The following CLEC16A variants were observed in gnomAD, a reference collection of about 807,000 sequenced individuals.
The protein encoded by CLEC16A is protein CLEC16A.
CLEC16A carries 51 observed loss-of-function variants against 109.5 expected under a neutral mutation model. The observed-to-expected ratio is 0.47, with a 90% confidence interval of 0.37 to 0.59. The LOEUF (loss-of-function observed/expected upper bound fraction) is 0.59, where lower values mean the gene tolerates loss of function less well. Ranked by LOEUF, CLEC16A falls within the 20% of genes least tolerant of loss-of-function variation. CLEC16A has a pLI of 0.00. For missense variants in CLEC16A, 1,339 were observed against 1,394.0 expected, an observed-to-expected ratio of 0.96 and a Z score of 0.63; for synonymous variants, 673 against 564.2, an observed-to-expected ratio of 1.19 and a Z score of -2.73.
chr16:11,046,461 C>G (rs1257101167), intron 16 of CLEC16A, among the ~76,000 whole-genome samples: 2 of 152,052 alleles, frequency 1.3e-5, no homozygotes. Context: ...CTTTCCCACC[C>G]CAAGTGTGGG....
At chr16:10,965,962 G>C (rs1410440016) in intron 3 of CLEC16A, among the ~76,000 whole-genome samples, 1 of 152,132 alleles carries the variant, frequency 6.6e-6, no homozygotes, top group Non-Finnish European at 1.5e-5. Flanking sequence ...TGTGCTGCTG[G>C]TGGTCTGGAA....
chr16:11,012,195 C>T (rs2045462715), intron 11 of CLEC16A, among the ~76,000 whole-genome samples: 1 of 152,172 alleles, frequency 6.6e-6, no homozygotes, highest in African/African-American at 2.4e-5. Context: ...GAGTTAAGTT[C>T]ATGTGGCATA....
At chr16:11,125,401 C>G (rs891063730) in intron 21 of CLEC16A, among the ~76,000 whole-genome samples, 1 of 151,732 alleles carries the variant, frequency 6.6e-6, no homozygotes, top group African/African-American at 2.4e-5. Flanking sequence ...GCTGTTAGAA[C>G]TAAAGCCTTG....
intron 2 of CLEC16A, among the ~76,000 whole-genome samples, chr16:10,959,679 A>G (rs937871871): frequency 1.3e-5 from 2 of 151,760 alleles, no homozygotes; most frequent in Non-Finnish European, 2.9e-5. Context: ...GGCATGAGCC[A>G]CCGTGCCCAG....
intron 16 of CLEC16A, among the ~76,000 whole-genome samples, chr16:11,045,603 A>G (rs942479281): frequency 6.6e-6 from 1 of 152,140 alleles, no homozygotes; most frequent in Non-Finnish European, 1.5e-5. Context: ...TGTGTCTTTC[A>G]GGGAAGGCTC....
At chr16:11,075,410 G>C (rs571900137) in intron 19 of CLEC16A, among the ~76,000 whole-genome samples, 334 of 99,568 alleles carry the variant, frequency 3.4e-3, no homozygotes, top group African/African-American at 0.011. Flanking sequence ...GTGTGTGTGT[G>C]TCTGTGTGTG....
At chr16:10,945,951 G>T (rs116950961) in intron 1 of CLEC16A, among the ~76,000 whole-genome samples, 322 of 152,240 alleles carry the variant, frequency 2.1e-3, no homozygotes, top group Non-Finnish European at 3.6e-3. Flanking sequence ...CAGCATCTAG[G>T]ACTGCTCTCT....
intron 22 of CLEC16A, among the ~76,000 whole-genome samples, chr16:11,158,152 C>T (rs1177091488): frequency 6.6e-6 from 1 of 152,196 alleles, no homozygotes; most frequent in Non-Finnish European, 1.5e-5. Flanking sequence ...TTGCTGTCTT[C>T]AGTTTGTGTG....
intron 18 of CLEC16A, among the ~76,000 whole-genome samples, chr16:11,053,043 A>G (rs564641935): frequency 1.3e-5 from 2 of 151,890 alleles, no homozygotes; most frequent in Non-Finnish European, 1.5e-5. Context: ...GGCACAAGCT[A>G]CCACACCTAG....
chr16:11,030,132 G>A (rs1381823485), intron 13 of CLEC16A, among the ~76,000 whole-genome samples: 2 of 152,164 alleles, frequency 1.3e-5, no homozygotes, highest in Non-Finnish European at 2.9e-5. Context: ...TCTGTTAATG[G>A]AAATTTGGGT....
At chr16:11,125,832 G>T in intron 21 of CLEC16A, 147 bp from the exon 22 acceptor site, 2 of 768,350 alleles carry the variant, frequency 2.6e-6, no homozygotes, top group South Asian at 3.4e-5. Context: ...GGTCTCTGCA[G>T]CTTGAGGCTG....
chr16:11,078,464 A>C (rs1597313905), intron 19 of CLEC16A, among the ~76,000 whole-genome samples: 1 of 152,296 alleles, frequency 6.6e-6, no homozygotes, highest in African/African-American at 2.4e-5. Flanking sequence ...CCCACCTGCT[A>C]ATCAGCCAGA....
At chr16:10,970,055 A>G (rs2042706671) in intron 4 of CLEC16A, among the ~76,000 whole-genome samples, 1 of 152,178 alleles carries the variant, frequency 6.6e-6, no homozygotes, top group Non-Finnish European at 1.5e-5. Flanking sequence ...CCTCACACCT[A>G]AAAGGGGTTT....
At chr16:10,971,407 G>T (rs1489824116) in intron 5 of CLEC16A, 177 bp downstream of exon 5, 1 of 445,002 alleles carries the variant, frequency 2.2e-6, no homozygotes, top group African/African-American at 2.1e-5. Flanking sequence ...GCCGCTCATG[G>T]AAATCCTTGC....
intron 3 of CLEC16A, among the ~76,000 whole-genome samples, chr16:10,966,457 C>T (rs2042512335): frequency 6.6e-6 from 1 of 152,168 alleles, no homozygotes. Context: ...CTGGGAATGT[C>T]AGATTTGGGA....
intron 22 of CLEC16A, among the ~76,000 whole-genome samples, chr16:11,155,414 A>G (rs913857675): frequency 6.6e-6 from 1 of 152,204 alleles, no homozygotes; most frequent in Non-Finnish European, 1.5e-5. Context: ...TAAAAGTGAC[A>G]AGCCTAAAGC....
chr16:11,130,191 C>T lies in CLEC16A; in HGVS notation c.2641+4045C>T, dbSNP rs1209626416. On this transcript the variant is annotated intron_variant, in intron 22 of 23. Coordinates refer to ENST00000409790, the MANE Select transcript of CLEC16A (RefSeq NM_015226.3). ...GGAACCTTCTGTGCTGTTTACCCTG[C>T]ATCTCAGCGCCTAGCTCTGTGCCCC... Among the ~76,000 whole-genome samples, 4 of 152,210 alleles carry T rather than the reference C, an allele frequency of 2.6e-5. No homozygotes were observed. The South Asian group carries it at 6.2e-4, about 24-fold the overall frequency.
At chr16:11,016,243 C>G (rs552760909) in intron 11 of CLEC16A, among the ~76,000 whole-genome samples, 222 of 152,126 alleles carry the variant, frequency 1.5e-3, no homozygotes, top group African/African-American at 5.2e-3. Context: ...TTGGAGGACA[C>G]TAGGTGCCTG....
intron 3 of CLEC16A, among the ~76,000 whole-genome samples, chr16:10,965,684 A>C (rs1294164548): frequency 6.6e-6 from 1 of 152,166 alleles, no homozygotes; most frequent in Non-Finnish European, 1.5e-5. Flanking sequence ...GTCCCGAGAG[A>C]CTGAGATTAC....
Sources: gnomAD v4.1 joint callset for allele counts (sites outside exome capture counted in the v4.1 genomes callset) on GRCh38, gnomAD v4.1.1 for gene constraint, MANE v1.5 for transcripts, NCBI Gene and HGNC (gene_info 2026-07-23, HGNC 2026-07-21) for gene names.